FHIT: variants seen among roughly 807,000 people sequenced by gnomAD.
FHIT encodes the protein bis(5'-adenosyl)-triphosphatase.
In FHIT, 19 loss-of-function variants were observed where a neutral mutation model predicts 17.9. The observed-to-expected ratio is 1.06, with a 90% confidence interval of 0.74 to 1.56. The LOEUF is 1.56. FHIT is among the 40% of genes most tolerant of loss of function. FHIT has a pLI of 0.00. For missense variants in FHIT, 248 were observed against 189.2 expected (o/e 1.31, Z -1.82); for synonymous variants, 81 against 69.7 (o/e 1.16, Z -0.81).
intron 5 of FHIT, among the ~76,000 whole-genome samples, chr3:60,051,432 A>C (rs1413031514): frequency 6.6e-6 from 1 of 151,264 alleles, no homozygotes; most frequent in African/African-American, 2.4e-5. Flanking sequence ...TAACTTAAGG[A>C]GGAGGCAGGA....
intron 4 of FHIT, among the ~76,000 whole-genome samples, chr3:60,629,529 G>C (rs2039385075): frequency 6.6e-6 from 1 of 152,176 alleles, no homozygotes; most frequent in African/African-American, 2.4e-5. Flanking sequence ...CTGAGACTTA[G>C]AGGTTGCTTA....
intron 5 of FHIT, among the ~76,000 whole-genome samples, chr3:60,118,145 T>C (rs1380701259): frequency 2.0e-5 from 3 of 152,162 alleles, no homozygotes; most frequent in Non-Finnish European, 1.5e-5. Context: ...CTTGTTCTGT[T>C]GCCCAGGCTG....
In FHIT at chr3:61,198,857, T is replaced by A. The variant is rs1482037019; in HGVS notation, c.-164+1760A>T. On this transcript the variant is annotated intron_variant, in intron 2 of 9. Coordinates refer to ENST00000492590, the MANE Select transcript of FHIT (RefSeq NM_002012.4). ...TAGACTTATAAAAATGTATAATGAA[T>A]AAATTCATAAAGATGCTGTTGCTGC... is the stretch of plus-strand genomic sequence containing the variant. Among the ~76,000 whole-genome samples the A allele has an allele frequency of 1.3e-4, 20 of 151,452 alleles. No individual in the cohort carries two copies. In the Admixed American group the frequency reaches 1.3e-3, roughly 10 times the overall value.
At chr3:60,362,017 C>T (rs1450422322) in intron 5 of FHIT, among the ~76,000 whole-genome samples, 1 of 152,136 alleles carries the variant, frequency 6.6e-6, no homozygotes, top group Admixed American at 6.5e-5. Context: ...AAACTGTGCA[C>T]ACATCTTCTG....
chr3:61,077,050 T>A (rs1298166199), intron 2 of FHIT, among the ~76,000 whole-genome samples: 2 of 152,128 alleles, frequency 1.3e-5, no homozygotes, highest in Admixed American at 1.3e-4. Context: ...TTAAATAAAC[T>A]CCATGAAGTC....
chr3:60,027,142 C>A (rs796893672), intron 5 of FHIT, among the ~76,000 whole-genome samples: 33,096 of 107,846 alleles, frequency 0.31, 4,768 homozygotes, highest in East Asian at 0.57. Context: ...CACACACACA[C>A]ACACACAAAA....
intron 8 of FHIT, among the ~76,000 whole-genome samples, chr3:59,904,628 T>A (rs1241343536): frequency 6.6e-6 from 1 of 152,180 alleles, no homozygotes. Flanking sequence ...CAGCTTCTTG[T>A]GTTATAGCTT....
chr3:60,206,146 AATAAAT>A (rs1204407397), intron 5 of FHIT, among the ~76,000 whole-genome samples: 2 of 123,174 alleles, frequency 1.6e-5, no homozygotes, highest in South Asian at 2.4e-4. Flanking sequence ...AAAAAAAAAA[AATAAAT>A]AATAATAATA....
At chr3:60,123,335 T>C (rs987902443) in intron 5 of FHIT, among the ~76,000 whole-genome samples, 1 of 152,196 alleles carries the variant, frequency 6.6e-6, no homozygotes, top group Non-Finnish European at 1.5e-5. Flanking sequence ...TTAAACTTGA[T>C]TTAACATATG....
At chr3:61,235,273 T>TAA (rs2040200820) in intron 1 of FHIT, among the ~76,000 whole-genome samples, 1 of 152,192 alleles carries the variant, frequency 6.6e-6, no homozygotes, top group Non-Finnish European at 1.5e-5. Flanking sequence ...CAACTGGGTG[T>TAA]CCTTGAGCCC....
chr3:59,997,831 TA>T (rs1012462438), intron 7 of FHIT, among the ~76,000 whole-genome samples: 1 of 152,186 alleles, frequency 6.6e-6, no homozygotes, highest in Non-Finnish European at 1.5e-5. Context: ...CACCTTTTTA[TA>T]AGGCTCAGGA....
intron 2 of FHIT, among the ~76,000 whole-genome samples, chr3:61,143,838 A>G (rs1265164089): frequency 6.6e-6 from 1 of 152,136 alleles, no homozygotes; most frequent in Non-Finnish European, 1.5e-5. Context: ...TACACTCCAG[A>G]TTGGGTGACA....
intron 3 of FHIT, among the ~76,000 whole-genome samples, chr3:60,992,546 C>T (rs977387283): frequency 9.2e-5 from 14 of 152,170 alleles, no homozygotes; most frequent in African/African-American, 3.1e-4. Context: ...CTAAGTTAAA[C>T]AGCTCTGCAC....
At chr3:60,239,191 C>A (rs528471483) in intron 5 of FHIT, among the ~76,000 whole-genome samples, 1 of 152,160 alleles carries the variant, frequency 6.6e-6, no homozygotes, top group African/African-American at 2.4e-5. Context: ...AATGGGAAGA[C>A]TGAAAAAGAG....
intron 7 of FHIT, among the ~76,000 whole-genome samples, chr3:59,956,653 C>G (rs1315555881): frequency 6.6e-6 from 1 of 152,186 alleles, no homozygotes; most frequent in Admixed American, 6.5e-5. Flanking sequence ...GGTGACAGAA[C>G]AAGACTGTCT....
chr3:60,073,400 G>A (rs1375507615), intron 5 of FHIT, among the ~76,000 whole-genome samples: 1 of 152,044 alleles, frequency 6.6e-6, no homozygotes, highest in African/African-American at 2.4e-5. Context: ...TGACAGCTCT[G>A]TATCTATCAC....
chr3:60,710,921 T>A, intron 4 of FHIT, among the ~76,000 whole-genome samples: 1 of 152,164 alleles, frequency 6.6e-6, no homozygotes, highest in East Asian at 1.9e-4. Context: ...AGGAGAGCAG[T>A]GGTTCTCCCA....
intron 4 of FHIT, chr3:60,732,399 C>T: frequency 1.3e-6 from 1 of 770,116 alleles, no homozygotes; most frequent in East Asian, 2.5e-5. Flanking sequence ...AAATTTCTAC[C>T]TGTAGATGGA....
intron 7 of FHIT, among the ~76,000 whole-genome samples, chr3:59,927,684 G>T (rs976962258): frequency 6.6e-6 from 1 of 152,026 alleles, no homozygotes; most frequent in African/African-American, 2.4e-5. Flanking sequence ...TAGGAGAATC[G>T]CTTGAACCCG....
Sources: gnomAD v4.1 joint callset for allele counts (sites outside exome capture counted in the v4.1 genomes callset) on GRCh38, gnomAD v4.1.1 for gene constraint, MANE v1.5 for transcripts, NCBI Gene and HGNC (gene_info 2026-07-23, HGNC 2026-07-21) for gene names.